Variants in LRMDA observed in about 807,000 individuals in gnomAD.
LRMDA encodes the protein leucine-rich melanocyte differentiation-associated protein.
A neutral mutation model predicts 29.8 loss-of-function variants in LRMDA; 18 were observed. The ratio of observed to expected loss-of-function variants is 0.60; its 90% CI spans 0.42 to 0.90. LRMDA has a LOEUF of 0.90. Among genes scored for constraint, LRMDA ranks in the 40% least tolerant of loss-of-function variants. The pLI is 0.00. For missense variants in LRMDA, 273 were observed against 273.9 expected, an observed-to-expected ratio of 1.00 and a Z score of 0.02; for synonymous variants, 125 against 109.4, an observed-to-expected ratio of 1.14 and a Z score of -0.89.
rs753240055 is a variant in LRMDA at position 75,618,355 on chromosome 10, A to ACT, written c.131+179888_131+179889dup. Among the ~76,000 whole-genome samples the ACT allele has an allele frequency of 4.4e-3, 577 of 131,824 alleles. 3 individuals are homozygous for ACT. The highest frequency in any genetic ancestry group is 0.013 in the African/African-American group (444 of 33,706). The allele number at this position is 131,824 out of a possible 152,430, so 86.5% of individuals were successfully genotyped here. ...ATCCTTATGTAGTTGTCTTTACCAG[A>ACT]CTCTCTCTCTCTCTCTCTCTCTCTC... On this transcript the variant is annotated intron_variant, in intron 2 of 6. Coordinates refer to ENST00000611255, the MANE Select transcript of LRMDA (RefSeq NM_001305581.2).
intron 5 of LRMDA, among the ~76,000 whole-genome samples, chr10:76,177,076 G>A (rs1166826760): frequency 6.6e-6 from 1 of 152,178 alleles, no homozygotes. Flanking sequence ...GGGAGGCCAA[G>A]GGGAAAAGCA....
intron 2 of LRMDA, among the ~76,000 whole-genome samples, chr10:75,893,471 T>A (rs1845529169): frequency 6.6e-6 from 1 of 152,198 alleles, no homozygotes; most frequent in Non-Finnish European, 1.5e-5. Flanking sequence ...TTGCATGAAA[T>A]GCCAAATAAC....
chr10:76,367,801 G>A (rs959564802), intron 6 of LRMDA, among the ~76,000 whole-genome samples: 3 of 151,824 alleles, frequency 2.0e-5, no homozygotes, highest in Non-Finnish European at 4.4e-5. Context: ...GTCTGTTCAG[G>A]GTATCTAATT....
rs56875392 is a variant in LRMDA at position 75,860,311 on chromosome 10, GTTTTTTTT to G, written c.132-175677_132-175670del. Among the ~76,000 whole-genome samples, 86 of 69,304 alleles carry G rather than the reference GTTTTTTTT, an allele frequency of 1.2e-3. No homozygotes were observed. The South Asian group carries it at 0.052, about 42-fold the overall frequency. 45.5% of individuals were successfully genotyped at this position (69,304 alleles called of 152,430 possible). The stretch of plus-strand genomic sequence containing the variant: ...AAGCTAGATCATTATGATGTTTCTG[GTTTTTTTT>G]TTTTTTTTTTTTTTTTTTTGAGACA... On this transcript the variant is annotated intron_variant, in intron 2 of 6. Transcript: ENST00000611255.
intron 5 of LRMDA, among the ~76,000 whole-genome samples, chr10:76,145,676 G>A (rs1445801574): frequency 6.6e-6 from 1 of 151,784 alleles, no homozygotes; most frequent in Non-Finnish European, 1.5e-5. Flanking sequence ...AGGTATTTTT[G>A]TGTCTCTATT....
At chr10:76,269,176 A>C (rs573057100) in intron 5 of LRMDA, among the ~76,000 whole-genome samples, 6 of 152,228 alleles carry the variant, frequency 3.9e-5, no homozygotes, top group Admixed American at 3.9e-4. Context: ...TCCCAGCCCC[A>C]GTGGCACACT....
At chr10:75,756,215 C>T (rs552773401) in intron 2 of LRMDA, among the ~76,000 whole-genome samples, 1 of 152,306 alleles carries the variant, frequency 6.6e-6, no homozygotes, top group South Asian at 2.1e-4. Context: ...GTAACTGTTT[C>T]CTTGCAACTA....
chr10:75,436,744 C>T (rs372751530), intron 1 of LRMDA, among the ~76,000 whole-genome samples: 1 of 152,178 alleles, frequency 6.6e-6, no homozygotes, highest in African/African-American at 2.4e-5. Flanking sequence ...GCTGGGACTA[C>T]AGGCATGAGC....
intron 2 of LRMDA, among the ~76,000 whole-genome samples, chr10:75,700,611 T>C (rs1275667569): frequency 1.3e-5 from 2 of 152,148 alleles, no homozygotes; most frequent in African/African-American, 4.8e-5. Flanking sequence ...TATACATTGG[T>C]ACAATGGTGT....
At chr10:76,501,709 CT>C (rs1469090479) in intron 6 of LRMDA, among the ~76,000 whole-genome samples, 1 of 151,318 alleles carries the variant, frequency 6.6e-6, no homozygotes, top group Non-Finnish European at 1.5e-5. Context: ...GGGATTATTT[CT>C]TTATTGCTTG....
intron 2 of LRMDA, among the ~76,000 whole-genome samples, chr10:75,748,999 T>A (rs1235558267): frequency 2.6e-5 from 4 of 151,990 alleles, no homozygotes; most frequent in African/African-American, 9.7e-5. Context: ...ACAACATGGG[T>A]TTGAACTGCA....
At chr10:75,951,703 T>C (rs999026613) in intron 2 of LRMDA, among the ~76,000 whole-genome samples, 2 of 152,210 alleles carry the variant, frequency 1.3e-5, no homozygotes, top group African/African-American at 4.8e-5. Context: ...GGTGAAGAAC[T>C]GGAATATTTC....
At chr10:76,105,421 G>A (rs1849464979) in intron 5 of LRMDA, among the ~76,000 whole-genome samples, 1 of 151,980 alleles carries the variant, frequency 6.6e-6, no homozygotes, top group East Asian at 1.9e-4. Flanking sequence ...TATTTGGGGG[G>A]TGGGGGGGAA....
At chr10:76,549,663 T>C (rs1843470492) in intron 6 of LRMDA, among the ~76,000 whole-genome samples, 1 of 152,150 alleles carries the variant, frequency 6.6e-6, no homozygotes, top group African/African-American at 2.4e-5. Flanking sequence ...TGCTAAGAAA[T>C]GAATAAAAAC....
Position 75,554,153 on chromosome 10 carries a change from T to C in LRMDA, c.131+115659T>C, listed in dbSNP as rs139093847. 6.6e-5 allele frequency among the ~76,000 whole-genome samples: 10 copies of C among 152,290 alleles called. 1 individual carries two copies. The highest frequency in any genetic ancestry group is 2.4e-4 in the African/African-American group (10 of 41,576). On this transcript the variant is annotated intron_variant, in intron 2 of 6. Transcript: ENST00000611255. ...TCTCTGATGGGTTGGAGAAAAGTTATGATTTTGTAGATTATCTGGCTTTTT... is the reference window on the plus strand; with the variant it reads ...TCTCTGATGGGTTGGAGAAAAGTTACGATTTTGTAGATTATCTGGCTTTTT...
Position 76,445,704 on chromosome 10 carries a change from C to T in LRMDA, c.602-111505C>T, listed in dbSNP as rs137982787. ...TCCCTCCTTGGGTAATATCTTATTC[C>T]ATTCCTGCCAAGGATCAAATTTAAG... On this transcript the variant is annotated intron_variant, in intron 6 of 6. Transcript: ENST00000611255. 4.1e-3 allele frequency among the ~76,000 whole-genome samples: 630 copies of T among 152,308 alleles called. 7 individuals carry two copies. The highest frequency in any genetic ancestry group is 0.015 in the African/African-American group (616 of 41,578).
intron 2 of LRMDA, among the ~76,000 whole-genome samples, chr10:75,606,102 C>T (rs1217255302): frequency 6.6e-6 from 1 of 152,184 alleles, no homozygotes; most frequent in African/African-American, 2.4e-5. Context: ...AAGTGATCCA[C>T]CCGCCTCAGC....
chr10:75,883,151 T>G (rs777927358), intron 2 of LRMDA: 1 of 152,202 alleles, frequency 6.6e-6, no homozygotes, highest in Admixed American at 6.5e-5. Flanking sequence ...AGCCAAATGC[T>G]GATGACATCA....
chr10:75,667,713 A>AT (rs1283532917), intron 2 of LRMDA, among the ~76,000 whole-genome samples: 1 of 152,316 alleles, frequency 6.6e-6, no homozygotes, highest in South Asian at 2.1e-4. Context: ...AATCAGCTGG[A>AT]TGGAACCATA....
Sources: gnomAD v4.1 joint callset for allele counts (sites outside exome capture counted in the v4.1 genomes callset) on GRCh38, gnomAD v4.1.1 for gene constraint, MANE v1.5 for transcripts, NCBI Gene and HGNC (gene_info 2026-07-23, HGNC 2026-07-21) for gene names.